The following MLLT3 variants were observed in gnomAD, a reference collection of about 807,000 sequenced individuals.
The protein encoded by MLLT3 is MLLT3 super elongation complex subunit.
A neutral mutation model predicts 53.2 loss-of-function variants in MLLT3; 4 were observed. That is an observed-to-expected ratio of 0.08 (90% CI 0.04 to 0.17). MLLT3 has a LOEUF of 0.17. Ranked by LOEUF, MLLT3 falls within the 10% of genes least tolerant of loss-of-function variation. The pLI is 1.00. For synonymous variants in MLLT3, 283 were observed against 230.6 expected, an observed-to-expected ratio of 1.23 and a Z score of -2.06; for missense variants, 569 against 684.0, an observed-to-expected ratio of 0.83 and a Z score of 1.87.
At chr9:20,347,559 A>T (rs1820907852) in intron 10 of MLLT3, among the ~76,000 whole-genome samples, 1 of 152,186 alleles carries the variant, frequency 6.6e-6, no homozygotes, top group Non-Finnish European at 1.5e-5. Flanking sequence ...GAAGGTGATG[A>T]TTGGTTTGAG....
intron 2 of MLLT3, among the ~76,000 whole-genome samples, chr9:20,491,309 G>A (rs1824941397): frequency 6.6e-6 from 1 of 151,934 alleles, no homozygotes; most frequent in Admixed American, 6.6e-5. Context: ...AGAAAAAAAT[G>A]AAAGTAATTT....
Position 20,621,819 on chromosome 9 carries a change from G to C in MLLT3, c.12+426C>G. 7.0e-7 allele frequency: 1 copy of C among 1,429,672 alleles called. No homozygotes were observed. Among genetic ancestry groups the C allele is most frequent in the Non-Finnish European group, 9.1e-7 (1 of 1,103,658 alleles). 88.6% of individuals were successfully genotyped at this position (1,429,672 alleles called of 1,614,324 possible). ...TTGCGGAGGTGCGGCCGCCGAGGCT[G>C]CTCGCCGCGTCCCCGGACTGTGCCC... On this transcript the variant is annotated intron_variant, in intron 1 of 10. Transcript: ENST00000380338. The surrounding 1 kb of genome is among the most constrained non-coding windows in gnomAD (Gnocchi z 7.0).
intron 8 of MLLT3, among the ~76,000 whole-genome samples, chr9:20,358,218 A>G (rs923535474): frequency 1.3e-5 from 2 of 152,178 alleles, no homozygotes; most frequent in Non-Finnish European, 2.9e-5. Context: ...AACCAATACT[A>G]AACAAGGTTT....
intron 2 of MLLT3, among the ~76,000 whole-genome samples, chr9:20,509,013 C>T (rs536227557): frequency 1.2e-4 from 18 of 152,310 alleles, no homozygotes; most frequent in Admixed American, 3.9e-4. Context: ...GGTCAATGTA[C>T]ATCAGTGGGA....
intron 2 of MLLT3, among the ~76,000 whole-genome samples, chr9:20,542,393 G>A (rs1818662019): frequency 6.6e-6 from 1 of 152,022 alleles, no homozygotes; most frequent in African/African-American, 2.4e-5. Flanking sequence ...TGGGACTACA[G>A]GCGCCCGCCA....
At chr9:20,393,872 T>C (rs1050044729) in intron 5 of MLLT3, among the ~76,000 whole-genome samples, 5 of 152,312 alleles carry the variant, frequency 3.3e-5, no homozygotes, top group Non-Finnish European at 5.9e-5. Flanking sequence ...TATTTATAAC[T>C]AGCATTACCA....
chr9:20,609,630 A>G (rs1249998241), intron 2 of MLLT3, among the ~76,000 whole-genome samples: 1 of 152,128 alleles, frequency 6.6e-6, no homozygotes, highest in Non-Finnish European at 1.5e-5. Context: ...TCCTATCAAC[A>G]CTGGGTGGTC....
intron 4 of MLLT3, among the ~76,000 whole-genome samples, chr9:20,422,884 T>C (rs1268972225): frequency 6.6e-6 from 1 of 152,218 alleles, no homozygotes; most frequent in Non-Finnish European, 1.5e-5. Context: ...AATAGCTTAA[T>C]GAATGCTTAC....
intron 2 of MLLT3, among the ~76,000 whole-genome samples, chr9:20,468,597 A>G (rs1348829338): frequency 6.6e-6 from 1 of 152,238 alleles, no homozygotes; most frequent in African/African-American, 2.4e-5. Flanking sequence ...CCTGTGATGC[A>G]GTAAAAGAAA....
At position 20,349,523 on chromosome 9, in the gene MLLT3, C is replaced by T. The variant is rs914903216; in HGVS notation, c.1576-2949G>A. 4.7e-5 allele frequency among the ~76,000 whole-genome samples: 7 copies of T among 148,294 alleles called. No individual in the cohort carries two copies. In the East Asian group the frequency reaches 7.8e-4, roughly 17 times the overall value. On this transcript the variant is annotated intron_variant, in intron 10 of 10. Transcript: ENST00000380338. ...TGCAGAAACTAAAACTCAGAAAGGC[C>T]GGCTTGAATTAAAAAAAAAAAATTG...
chr9:20,343,214 A>AAAAAAAAAAAAAAAAAAAAATTTT lies in MLLT3; in HGVS notation c.*3228_*3229insAAAATTTTTTTTTTTTTTTTTTTT, dbSNP rs56934102. 1 of 115,062 alleles carries AAAAAAAAAAAAAAAAAAAAATTTT rather than the reference A, an allele frequency of 8.7e-6. No individual in the cohort carries two copies. The highest frequency in any genetic ancestry group is 6.7e-5 in the African/African-American group (1 of 14,932). The allele number at this position is 115,062 out of a possible 1,614,324, so 7.1% of individuals were successfully genotyped here. A position where few individuals can be genotyped will look rare whatever the true frequency, so the allele number is the denominator to read the frequency against. On this transcript the variant is annotated 3_prime_UTR_variant, in exon 11 of 11. Transcript: ENST00000380338. ...AAAAAAAAAAAAAAAAAAAAAAAAA[A>AAAAAAAAAAAAAAAAAAAAATTTT]TTTTGAAGAAACTTTTTAGTGGAAG...
chr9:20,362,905 T>C (rs1369835235), intron 7 of MLLT3: 1 of 152,170 alleles, frequency 6.6e-6, no homozygotes, highest in Non-Finnish European at 1.5e-5. Context: ...CTCAGGGCAA[T>C]TTCAAGTTGA....
At chr9:20,539,951 G>C (rs138775390) in intron 2 of MLLT3, among the ~76,000 whole-genome samples, 4 of 152,196 alleles carry the variant, frequency 2.6e-5, no homozygotes, top group Admixed American at 2.6e-4. Flanking sequence ...TGGAGGTACA[G>C]GCATTGGGTA....
At chr9:20,393,155 C>A (rs529959647) in intron 5 of MLLT3, among the ~76,000 whole-genome samples, 2 of 151,644 alleles carry the variant, frequency 1.3e-5, no homozygotes, top group African/African-American at 4.8e-5. Context: ...AACTCCATCT[C>A]AATTAAAAAA....
chr9:20,453,731 T>C (rs773695985), intron 3 of MLLT3, among the ~76,000 whole-genome samples: 1 of 152,210 alleles, frequency 6.6e-6, no homozygotes, highest in Non-Finnish European at 1.5e-5. Context: ...AATACACAAA[T>C]GATATAACCA....
At chr9:20,527,624 C>A (rs1323626876) in intron 2 of MLLT3, among the ~76,000 whole-genome samples, 1 of 152,176 alleles carries the variant, frequency 6.6e-6, no homozygotes, top group African/African-American at 2.4e-5. Context: ...TGTATCTCAA[C>A]AAGCAAAATT....
At chr9:20,356,133 T>C (rs1821165914) in intron 8 of MLLT3, among the ~76,000 whole-genome samples, 1 of 152,188 alleles carries the variant, frequency 6.6e-6, no homozygotes. Flanking sequence ...GATAGGAACA[T>C]GACATCCTGG....
chr9:20,618,449 T>C (rs974112924), intron 2 of MLLT3, among the ~76,000 whole-genome samples: 28 of 152,240 alleles, frequency 1.8e-4, no homozygotes, highest in Non-Finnish European at 5.9e-5. Context: ...CATGTGTAAT[T>C]ACAGTATGAC....
chr9:20,468,640 C>T (rs1370893465), intron 2 of MLLT3, among the ~76,000 whole-genome samples: 2 of 152,202 alleles, frequency 1.3e-5, no homozygotes, highest in Non-Finnish European at 2.9e-5. Context: ...CTGGTTCTGG[C>T]TCCATTTCTA....
Sources: gnomAD v4.1 joint callset for allele counts (sites outside exome capture counted in the v4.1 genomes callset) on GRCh38, gnomAD v4.1.1 for gene constraint, Gnocchi (gnomAD v3.1) non-coding constraint, MANE v1.5 for transcripts, NCBI Gene and HGNC (gene_info 2026-07-23, HGNC 2026-07-21) for gene names.